The following MRPS28 variants were observed in gnomAD, a reference collection of about 807,000 sequenced individuals.
MRPS28 encodes small ribosomal subunit protein bS1m.
In MRPS28, 7 loss-of-function variants were observed where a neutral mutation model predicts 10.8. The observed-to-expected ratio is 0.65, with a 90% CI of 0.37 to 1.22. The LOEUF is 1.22. Ranked by LOEUF, MRPS28 falls within the 50% of genes most tolerant of loss-of-function variation. The pLI is 0.02. For synonymous variants in MRPS28, 121 were observed against 93.3 expected (o/e 1.30, Z -1.71); for missense variants, 265 against 232.9 (o/e 1.14, Z -0.90).
intron 2 of MRPS28, among the ~76,000 whole-genome samples, chr8:79,928,041 C>T (rs1373678594): frequency 1.3e-5 from 2 of 152,004 alleles, no homozygotes; most frequent in Non-Finnish European, 2.9e-5. Context: ...AAAAGACTCT[C>T]GGCTGGGCGT....
intron 2 of MRPS28, among the ~76,000 whole-genome samples, chr8:79,954,202 C>T (rs1807147072): frequency 6.6e-6 from 1 of 151,804 alleles, no homozygotes; most frequent in Non-Finnish European, 1.5e-5. Flanking sequence ...ATAGTGAGAC[C>T]TCACCTCTAA....
chr8:79,957,546 C>CAAAAA (rs35772888), intron 2 of MRPS28, among the ~76,000 whole-genome samples: 10 of 84,996 alleles, frequency 1.2e-4, no homozygotes, highest in Non-Finnish European at 1.4e-4. Flanking sequence ...CTTGTCTCTA[C>CAAAAA]AAAAAAAAAA....
At chr8:80,001,000 T>A (rs912346703) in intron 2 of MRPS28, among the ~76,000 whole-genome samples, 1 of 152,252 alleles carries the variant, frequency 6.6e-6, no homozygotes, top group African/African-American at 2.4e-5. Flanking sequence ...GAGATATGAT[T>A]AACGGAATTC....
At chr8:79,994,826 C>T (rs1052195325) in intron 2 of MRPS28, among the ~76,000 whole-genome samples, 1 of 152,022 alleles carries the variant, frequency 6.6e-6, no homozygotes, top group South Asian at 2.1e-4. Context: ...GGTCATCTCC[C>T]CACTCTCCCA....
At chr8:79,967,256 T>C (rs55737535) in intron 2 of MRPS28, among the ~76,000 whole-genome samples, 5,379 of 152,258 alleles carry the variant, frequency 0.035, 232 homozygotes, top group African/African-American at 0.1. Context: ...AGCTCTTTTC[T>C]CTCCACATGT....
At chr8:79,974,267 G>A (rs1807721802) in intron 2 of MRPS28, among the ~76,000 whole-genome samples, 2 of 152,218 alleles carry the variant, frequency 1.3e-5, no homozygotes, top group Admixed American at 6.5e-5. Context: ...CGAGGCCGGC[G>A]CGGTGGCTCA....
intron 2 of MRPS28, among the ~76,000 whole-genome samples, chr8:79,952,064 G>C (rs1056242403): frequency 6.6e-6 from 1 of 152,144 alleles, no homozygotes; most frequent in African/African-American, 2.4e-5. Context: ...ATATCTCATA[G>C]AGCCTATTAT....
At chr8:80,029,421 A>C (rs534553385) in intron 1 of MRPS28, among the ~76,000 whole-genome samples, 1 of 150,628 alleles carries the variant, frequency 6.6e-6, no homozygotes, top group East Asian at 1.9e-4. Flanking sequence ...TATTTCTTCC[A>C]TTTCATTTAT....
rs568801433 is a variant in MRPS28, at chr8:79,998,136, C to A, written c.395+4863G>T. 5.3e-5 allele frequency among the ~76,000 whole-genome samples: 8 copies of A among 151,894 alleles called. No individual in the cohort carries two copies. In the South Asian group the frequency reaches 1.0e-3, roughly 20 times the overall value. Reference sequence around the variant, plus strand: ...AAACATATACCTCAACTGGAAGAAACCAAAGTGCCTAGGTATAGTACAGGA... The same window carrying A: ...AAACATATACCTCAACTGGAAGAAAACAAAGTGCCTAGGTATAGTACAGGA... On this transcript the variant is annotated intron_variant, in intron 2 of 2. Coordinates refer to ENST00000276585, the MANE Select transcript of MRPS28 (RefSeq NM_014018.3).
chr8:80,022,404 T>C (rs76432631), intron 1 of MRPS28, among the ~76,000 whole-genome samples: 5,220 of 152,304 alleles, frequency 0.034, 127 homozygotes, highest in African/African-American at 0.072. Flanking sequence ...GTTAGGAACA[T>C]TTCATTTCTT....
At chr8:79,941,971 TTTAAC>T (rs983973698) in intron 2 of MRPS28, among the ~76,000 whole-genome samples, 3 of 152,202 alleles carry the variant, frequency 2.0e-5, no homozygotes, top group Non-Finnish European at 4.4e-5. Context: ...AGTATGTGCA[TTTAAC>T]TTAACTTAAT....
chr8:79,988,502 T>G (rs192166871), intron 2 of MRPS28, among the ~76,000 whole-genome samples: 2 of 150,900 alleles, frequency 1.3e-5, no homozygotes, highest in Non-Finnish European at 3.0e-5. Flanking sequence ...TGGAAAAATA[T>G]TTTATTAAAA....
chr8:79,974,245 C>T, intron 2 of MRPS28, among the ~76,000 whole-genome samples: 1 of 151,838 alleles, frequency 6.6e-6, no homozygotes, highest in Non-Finnish European at 1.5e-5. Context: ...TAAACATATA[C>T]ATATAAACAA....
intron 2 of MRPS28, among the ~76,000 whole-genome samples, chr8:79,999,872 T>G (rs910619487): frequency 9.2e-5 from 14 of 152,162 alleles, no homozygotes; most frequent in African/African-American, 3.4e-4. Flanking sequence ...TCTTTTTTTT[T>G]TAAAGTCACT....
intron 1 of MRPS28, among the ~76,000 whole-genome samples, chr8:80,020,856 T>C (rs756765959): frequency 2.0e-5 from 3 of 152,214 alleles, no homozygotes; most frequent in Non-Finnish European, 2.9e-5. Flanking sequence ...TAGTGATCTC[T>C]ATCATAACCC....
At position 79,939,543 on chromosome 8, in the gene MRPS28, C is replaced by T. The variant is rs975224654; in HGVS notation, c.396-20395G>A. 5.3e-5 allele frequency among the ~76,000 whole-genome samples: 8 copies of T among 152,180 alleles called. No homozygotes were observed. In the South Asian group the frequency reaches 1.5e-3, roughly 28 times the overall value. On this transcript the variant is annotated intron_variant, in intron 2 of 2. Coordinates refer to ENST00000276585, the MANE Select transcript of MRPS28 (RefSeq NM_014018.3). ...CAATACAGAAATTTCTTTTAAAGAG[C>T]GTAATTTTTAGTTTTCTGGTCTCTT...
chr8:79,986,962 C>T (rs1481841014), intron 2 of MRPS28, among the ~76,000 whole-genome samples: 9 of 152,256 alleles, frequency 5.9e-5, no homozygotes, highest in Admixed American at 2.6e-4. Flanking sequence ...GAGCCCACAT[C>T]GCCAAGTCAA....
chr8:79,979,915 CAAAAAAAAAAAAAAAAA>C (rs61633169), intron 2 of MRPS28, among the ~76,000 whole-genome samples: 4 of 31,336 alleles, frequency 1.3e-4, no homozygotes, highest in African/African-American at 4.0e-4. Context: ...GATTCTCACG[CAAAAAAAAAAAAAAAAA>C]AAAAAAAAAA....
At chr8:79,941,300 TACA>T (rs1338885447) in intron 2 of MRPS28, among the ~76,000 whole-genome samples, 3 of 152,196 alleles carry the variant, frequency 2.0e-5, no homozygotes, top group Non-Finnish European at 4.4e-5. Flanking sequence ...AATGTGGTAT[TACA>T]ACATCTTGAT....
Sources: allele counts gnomAD v4.1 joint callset (sites outside exome capture counted in the v4.1 genomes callset), GRCh38; gene constraint gnomAD v4.1.1; transcripts MANE v1.5; gene names NCBI Gene and HGNC (gene_info 2026-07-23, HGNC 2026-07-21).